Variants in SLC4A10 observed in about 807,000 individuals in gnomAD.
The protein encoded by SLC4A10 is solute carrier family 4 member 10, also known as sodium-driven chloride bicarbonate exchanger.
A neutral mutation model predicts 137.7 loss-of-function variants in SLC4A10; 42 were observed. That is an observed-to-expected ratio of 0.30 (90% CI 0.24 to 0.39). The LOEUF is 0.39. SLC4A10 is among the 10% of genes least tolerant of loss of function. The pLI, the probability that SLC4A10 is intolerant of heterozygous loss-of-function variation, is 1.00. For missense variants in SLC4A10, 925 were observed against 1,355.0 expected (o/e 0.68, Z 4.98); for synonymous variants, 474 against 464.1 (o/e 1.02, Z -0.27).
At chr2:161,714,828 G>C (rs1014155939) in intron 1 of SLC4A10, among the ~76,000 whole-genome samples, 7 of 151,886 alleles carry the variant, frequency 4.6e-5, no homozygotes, top group East Asian at 1.9e-4. Context: ...TTAATCTCTA[G>C]AGTTGTAATG....
At chr2:161,768,057 C>T (rs900962865) in intron 1 of SLC4A10, among the ~76,000 whole-genome samples, 22 of 152,020 alleles carry the variant, frequency 1.4e-4, no homozygotes, top group Admixed American at 5.3e-4. Flanking sequence ...ATCTTAGTCT[C>T]TTCTATATTG....
chr2:161,836,435 T>C (rs2058769883), intron 3 of SLC4A10, among the ~76,000 whole-genome samples: 1 of 151,206 alleles, frequency 6.6e-6, no homozygotes, highest in African/African-American at 2.4e-5. Flanking sequence ...GAGGCAGAGG[T>C]TGTAGTGAGC....
intron 1 of SLC4A10, among the ~76,000 whole-genome samples, chr2:161,741,937 A>G (rs939787190): frequency 6.6e-6 from 1 of 152,126 alleles, no homozygotes. Flanking sequence ...CTACATTTTT[A>G]TACCCATTAA....
chr2:161,727,354 A>G (rs183065043), intron 1 of SLC4A10, among the ~76,000 whole-genome samples: 73 of 152,332 alleles, frequency 4.8e-4, no homozygotes, highest in African/African-American at 1.6e-3. Flanking sequence ...CAAAGTTGAC[A>G]AGCTCAATCC....
At chr2:161,675,703 T>C (rs183726169) in intron 1 of SLC4A10, among the ~76,000 whole-genome samples, 3 of 152,126 alleles carry the variant, frequency 2.0e-5, no homozygotes, top group South Asian at 2.1e-4. Context: ...GACCTTTTTT[T>C]CTAATATTTT....
chr2:161,819,172 G>A (rs1235107414), intron 3 of SLC4A10, among the ~76,000 whole-genome samples: 1 of 152,106 alleles, frequency 6.6e-6, no homozygotes, highest in Non-Finnish European at 1.5e-5. Context: ...TCAGGTAAAA[G>A]AATAGGCCTT....
At chr2:161,815,404 G>C (rs1025916355) in intron 3 of SLC4A10, among the ~76,000 whole-genome samples, 1 of 152,070 alleles carries the variant, frequency 6.6e-6, no homozygotes, top group Non-Finnish European at 1.5e-5. Flanking sequence ...TGTGAAGAAG[G>C]TGCCTACTTC....
chr2:161,904,654 G>C lies in SLC4A10; in HGVS notation c.1618-122G>C, dbSNP rs1281056662. 5.0e-6 allele frequency: 6 copies of C among 1,209,352 alleles called. No individual in the cohort carries two copies. In the East Asian group the frequency reaches 7.1e-5, roughly 14 times the overall value. The allele number at this position is 1,209,352 out of a possible 1,614,324, so 74.9% of individuals were successfully genotyped here. Reference sequence around the variant, plus strand: ...TCCTTCTACCCCACGTCTTGCCCAGGGTTGCTAGACTTTTCAGGGTGAAGC... The same window carrying C: ...TCCTTCTACCCCACGTCTTGCCCAGCGTTGCTAGACTTTTCAGGGTGAAGC... On this transcript the variant is annotated intron_variant, in intron 13 of 26. Transcript: ENST00000446997.
At chr2:161,703,115 A>T (rs2043292217) in intron 1 of SLC4A10, among the ~76,000 whole-genome samples, 1 of 151,684 alleles carries the variant, frequency 6.6e-6, no homozygotes, top group African/African-American at 2.4e-5. Context: ...AAATTCAGCA[A>T]TTTTTACCCA....
At chr2:161,772,321 G>A (rs2125426231) in intron 2 of SLC4A10, among the ~76,000 whole-genome samples, 1 of 151,872 alleles carries the variant, frequency 6.6e-6, no homozygotes, top group African/African-American at 2.4e-5. Flanking sequence ...GCTATGACAA[G>A]CTATCCTTAT....
chr2:161,919,795 G>C (rs775101182), intron 15 of SLC4A10, among the ~76,000 whole-genome samples: 35 of 152,184 alleles, frequency 2.3e-4, no homozygotes, highest in Non-Finnish European at 4.1e-4. Flanking sequence ...GGCTCACCAT[G>C]TTGCAGGTGA....
At chr2:161,817,552 G>T (rs2057208553) in intron 3 of SLC4A10, among the ~76,000 whole-genome samples, 1 of 151,992 alleles carries the variant, frequency 6.6e-6, no homozygotes, top group African/African-American at 2.4e-5. Flanking sequence ...TGAAGTCCTT[G>T]CCCATGCCTA....
intron 6 of SLC4A10, among the ~76,000 whole-genome samples, chr2:161,865,022 T>G (rs1214391844): frequency 6.6e-6 from 1 of 152,154 alleles, no homozygotes; most frequent in Non-Finnish European, 1.5e-5. Flanking sequence ...TCATAACTTT[T>G]GCTAGAAATC....
At chr2:161,770,055 A>G (rs2051384403) in intron 1 of SLC4A10, among the ~76,000 whole-genome samples, 1 of 151,956 alleles carries the variant, frequency 6.6e-6, no homozygotes, top group Non-Finnish European at 1.5e-5. Flanking sequence ...TCTACTAGTC[A>G]TATACTGGAA....
intron 1 of SLC4A10, among the ~76,000 whole-genome samples, chr2:161,699,123 C>T (rs1009111355): frequency 1.3e-5 from 2 of 152,136 alleles, no homozygotes; most frequent in Non-Finnish European, 2.9e-5. Context: ...GGGTTCATGC[C>T]ATTCTCCTGT....
intron 1 of SLC4A10, among the ~76,000 whole-genome samples, chr2:161,682,435 G>A (rs2040961244): frequency 6.6e-6 from 1 of 152,010 alleles, no homozygotes; most frequent in Non-Finnish European, 1.5e-5. Context: ...ACTTTTTCAA[G>A]GTGGAACTTC....
At chr2:161,859,325 T>C (rs1031767998) in intron 5 of SLC4A10, among the ~76,000 whole-genome samples, 17 of 149,384 alleles carry the variant, frequency 1.1e-4, no homozygotes, top group African/African-American at 3.9e-4. Flanking sequence ...GAAGTCTCGC[T>C]CTGTCGCCAG....
intron 2 of SLC4A10, among the ~76,000 whole-genome samples, chr2:161,793,417 C>T (rs1158103293): frequency 1.3e-5 from 2 of 151,894 alleles, no homozygotes; most frequent in Non-Finnish European, 2.9e-5. Flanking sequence ...ATTTTATATC[C>T]TTTGACTAGC....
At chr2:161,955,584 A>G (rs1044261764) in intron 19 of SLC4A10, among the ~76,000 whole-genome samples, 3 of 152,176 alleles carry the variant, frequency 2.0e-5, no homozygotes, top group African/African-American at 7.2e-5. Context: ...TCTCCTCACT[A>G]TCATCTCTTG....
Sources: gnomAD v4.1 joint callset for allele counts (sites outside exome capture counted in the v4.1 genomes callset) on GRCh38, gnomAD v4.1.1 for gene constraint, MANE v1.5 for transcripts, NCBI Gene and HGNC (gene_info 2026-07-23, HGNC 2026-07-21) for gene names.